The following HCRTR2 variants were observed in gnomAD, a reference collection of about 807,000 sequenced individuals.
HCRTR2 encodes the protein hypocretin receptor 2, also known as orexin receptor type 2.
HCRTR2 carries 22 observed loss-of-function variants against 49.0 expected under a neutral mutation model. That is an observed-to-expected ratio of 0.45 (90% CI 0.32 to 0.64). The LOEUF is 0.64. HCRTR2 is among the 30% of genes least tolerant of loss of function. The pLI is 0.04. For synonymous variants in HCRTR2, 236 were observed against 205.3 expected, an observed-to-expected ratio of 1.15 and a Z score of -1.28; for missense variants, 491 against 559.4, an observed-to-expected ratio of 0.88 and a Z score of 1.23.
chr6:55,111,024 T>C (rs1764041764), intron 1 of HCRTR2, among the ~76,000 whole-genome samples: 1 of 152,042 alleles, frequency 6.6e-6, no homozygotes, highest in Non-Finnish European at 1.5e-5. Flanking sequence ...TATCAAGTAC[T>C]CGTTCAGACC....
chr6:55,126,709 G>A (rs1405125553), intron 1 of HCRTR2, among the ~76,000 whole-genome samples: 1 of 151,808 alleles, frequency 6.6e-6, no homozygotes, highest in Non-Finnish European at 1.5e-5. Flanking sequence ...CTCTGTCCCA[G>A]GGAGATGGCG....
At chr6:55,163,454 G>A (rs578229346) in intron 1 of HCRTR2, among the ~76,000 whole-genome samples, 1 of 152,060 alleles carries the variant, frequency 6.6e-6, no homozygotes, top group East Asian at 1.9e-4. Context: ...CAGAACAGAG[G>A]CCTCAGAAAT....
intron 1 of HCRTR2, among the ~76,000 whole-genome samples, chr6:55,125,402 G>A (rs1764258963): frequency 6.6e-6 from 1 of 152,136 alleles, no homozygotes; most frequent in Non-Finnish European, 1.5e-5. Context: ...AAAATTCTGG[G>A]TTGAAAATGC....
chr6:55,204,952 AT>A (rs945750588), intron 1 of HCRTR2, among the ~76,000 whole-genome samples: 1 of 151,684 alleles, frequency 6.6e-6, no homozygotes, highest in South Asian at 2.1e-4. Flanking sequence ...TGCCCAGCTG[AT>A]TTTTTTTAGT....
intron 1 of HCRTR2, among the ~76,000 whole-genome samples, chr6:55,143,675 T>G (rs1281654306): frequency 6.6e-6 from 1 of 152,234 alleles, no homozygotes; most frequent in Non-Finnish European, 1.5e-5. Flanking sequence ...TACTTGACTT[T>G]TAGCATCTCA....
chr6:55,243,537 T>C (rs1766373556), intron 1 of HCRTR2, among the ~76,000 whole-genome samples: 1 of 152,138 alleles, frequency 6.6e-6, no homozygotes, highest in African/African-American at 2.4e-5. Flanking sequence ...GAAAGTAAAT[T>C]CTCTGTTTAG....
At chr6:55,269,287 G>A (rs1766925601) in intron 4 of HCRTR2, among the ~76,000 whole-genome samples, 2 of 151,992 alleles carry the variant, frequency 1.3e-5, no homozygotes, top group Non-Finnish European at 1.5e-5. Flanking sequence ...AACAAGACAA[G>A]TATGTCTGCT....
chr6:55,205,029 C>T (rs1478317098), intron 1 of HCRTR2, among the ~76,000 whole-genome samples: 3 of 152,146 alleles, frequency 2.0e-5, no homozygotes, highest in African/African-American at 7.2e-5. Flanking sequence ...CCACCCTCCT[C>T]AGACTCCCAA....
chr6:55,114,904 G>A (rs1764095449), intron 1 of HCRTR2, among the ~76,000 whole-genome samples: 1 of 151,710 alleles, frequency 6.6e-6, no homozygotes, highest in Admixed American at 6.6e-5. Context: ...ATTAAAGGGT[G>A]AGTGGGTGTG....
At chr6:55,235,173 AG>A (rs1426613580) in intron 1 of HCRTR2, among the ~76,000 whole-genome samples, 3 of 152,178 alleles carry the variant, frequency 2.0e-5, no homozygotes, top group Non-Finnish European at 4.4e-5. Context: ...TTTTGTTGGC[AG>A]GGGGGATGTT....
intron 1 of HCRTR2, among the ~76,000 whole-genome samples, chr6:55,178,235 G>C (rs1765073435): frequency 6.6e-6 from 1 of 151,918 alleles, no homozygotes; most frequent in African/African-American, 2.4e-5. Context: ...TAGGGAAAAT[G>C]ATCAATTTTC....
At position 55,282,296 on chromosome 6, in the gene HCRTR2, C is replaced by A. The variant is rs201301558; in HGVS notation, c.1177C>A (p.Arg393=). 1.2e-6 allele frequency: 2 copies of A among 1,613,726 alleles called. No homozygotes were observed. The highest frequency in any genetic ancestry group is 1.7e-6 in the Non-Finnish European group (2 of 1,179,928). Residue 393 remains arginine (R), a synonymous_variant, in exon 7 of 7, where the codon CGG becomes AGG. Transcript: ENST00000370862. The stretch of plus-strand genomic sequence containing the variant: ...TGGAGTTCACCATCGCCAGGAGGAT[C>A]GGCTCACCAGGGGACGAACTAGCAC... The part of the protein sequence containing the change: ...CLGVHHRQED[R]LTRGRTSTES...
At chr6:55,237,617 G>T (rs12055778) in intron 1 of HCRTR2, among the ~76,000 whole-genome samples, 6 of 152,008 alleles carry the variant, frequency 3.9e-5, no homozygotes, top group Non-Finnish European at 5.9e-5. Context: ...GAAGAAAAGA[G>T]GCTAAATGCC....
intron 1 of HCRTR2, among the ~76,000 whole-genome samples, chr6:55,203,194 T>G (rs1022536679): frequency 3.9e-5 from 6 of 152,194 alleles, no homozygotes; most frequent in African/African-American, 1.2e-4. Context: ...AATGTATATA[T>G]ATAATTTCTC....
chr6:55,214,496 T>C (rs1164469396), intron 1 of HCRTR2, among the ~76,000 whole-genome samples: 3 of 152,082 alleles, frequency 2.0e-5, no homozygotes, highest in Non-Finnish European at 4.4e-5. Context: ...TGTGCTTGAT[T>C]AATTTTTATT....
chr6:55,282,538 T>C lies in HCRTR2; in HGVS notation c.*84T>C, dbSNP rs1767213658. On this transcript the variant is annotated 3_prime_UTR_variant, in exon 7 of 7. Transcript: ENST00000370862. ...GAACAGAAATTTTATTATCCTATGA[T>C]GTGAAGCTAAAATTACTTGTGGATC... 3 of 765,922 alleles carry C rather than the reference T, an allele frequency of 3.9e-6. No individual in the cohort carries two copies. The East Asian group carries it at 8.0e-5, about 20-fold the overall frequency. The allele number at this position is 765,922 out of a possible 1,614,324, so 47.4% of individuals were successfully genotyped here.
intron 1 of HCRTR2, among the ~76,000 whole-genome samples, chr6:55,115,897 G>A (rs1195154791): frequency 6.6e-6 from 1 of 151,388 alleles, no homozygotes; most frequent in Non-Finnish European, 1.5e-5. Context: ...TTTGTTTGAG[G>A]TTGATATTGT....
chr6:55,277,768 G>A (rs1055923305), intron 5 of HCRTR2, among the ~76,000 whole-genome samples, 168 bp downstream of exon 5: 1 of 151,568 alleles, frequency 6.6e-6, no homozygotes, highest in East Asian at 1.9e-4. Context: ...AAGGCGAACA[G>A]CCTTTAAGAG....
intron 1 of HCRTR2, among the ~76,000 whole-genome samples, chr6:55,128,957 G>A (rs1159723817): frequency 1.3e-5 from 2 of 152,064 alleles, no homozygotes; most frequent in Non-Finnish European, 2.9e-5. Context: ...GCTTATTTCT[G>A]CATCTGATAC....
Sources: allele counts gnomAD v4.1 joint callset (sites outside exome capture counted in the v4.1 genomes callset), GRCh38; gene constraint gnomAD v4.1.1; transcripts MANE v1.5; gene names NCBI Gene and HGNC (gene_info 2026-07-23, HGNC 2026-07-21).